The following LANCL1 variants were observed in gnomAD, a reference collection of about 807,000 sequenced individuals.
LANCL1 encodes glutathione S-transferase LANCL1.
LANCL1 carries 50 observed loss-of-function variants against 50.6 expected under a neutral mutation model. The observed-to-expected ratio is 0.99, with a 90% confidence interval of 0.79 to 1.25. The LOEUF is 1.25. LANCL1 is among the 50% of genes most tolerant of loss of function. LANCL1 has a pLI of 0.00. For missense variants in LANCL1, 532 were observed against 480.7 expected, an observed-to-expected ratio of 1.11 and a Z score of -1.00; for synonymous variants, 188 against 178.6, an observed-to-expected ratio of 1.05 and a Z score of -0.42.
At position 210,436,334 on chromosome 2, in the gene LANCL1, T is replaced by A. The variant is rs1218519248; in HGVS notation, c.932A>T (p.Gln311Leu). 6.2e-7 allele frequency: 1 copy of A among 1,614,086 alleles called. No individual in the cohort carries two copies. Among genetic ancestry groups the A allele is most frequent in the South Asian group, 1.1e-5 (1 of 91,084 alleles). ...ATATCCCTTCTTCAGCAACCCATATTGCCAGATCACATCAGCACACTGATA... is the reference window on the plus strand; with the variant it reads ...ATATCCCTTCTTCAGCAACCCATATAGCCAGATCACATCAGCACACTGATA... ...DAYQCADVIW[Q>L]YGLLKKGYGL... Residue 311 changes from glutamine to leucine, a missense_variant, in exon 8 of 10, where the codon CAA (glutamine) becomes CTA (leucine). Physicochemically the swap from Gln to Leu is moderately radical, Grantham distance 113. Transcript: ENST00000450366.
intron 4 of LANCL1, among the ~76,000 whole-genome samples, chr2:210,450,446 T>C (rs1056978937): frequency 2.0e-5 from 3 of 152,134 alleles, no homozygotes; most frequent in Non-Finnish European, 2.9e-5. Flanking sequence ...AAAGACTTCA[T>C]GACTAAAACA....
chr2:210,455,810 G>GTGTT (rs1553713341), intron 3 of LANCL1, among the ~76,000 whole-genome samples: 4 of 125,976 alleles, frequency 3.2e-5, no homozygotes, highest in African/African-American at 1.1e-4. Context: ...GTGTGTGTGT[G>GTGTT]TTTTTTTTTT....
chr2:210,437,371 G>A (rs1692968706), intron 7 of LANCL1, among the ~76,000 whole-genome samples: 1 of 151,966 alleles, frequency 6.6e-6, no homozygotes, highest in Non-Finnish European at 1.5e-5. Context: ...TTTCACCTGT[G>A]GCAATTATAA....
At chr2:210,466,415 G>A (rs1694060087) in intron 3 of LANCL1, among the ~76,000 whole-genome samples, 1 of 152,110 alleles carries the variant, frequency 6.6e-6, no homozygotes, top group Non-Finnish European at 1.5e-5. Flanking sequence ...ATTAGCCCCG[G>A]CCCCGTGAAT....
At chr2:210,437,911 A>G (rs1351904892) in intron 6 of LANCL1, 39 bp from the exon 7 acceptor site, 4 of 1,449,916 alleles carry the variant, frequency 2.8e-6, no homozygotes, top group Non-Finnish European at 3.7e-6. Flanking sequence ...TGCTGAAGCA[A>G]ATAAACCTTC....
chr2:210,452,786 C>T (rs1693548993), intron 4 of LANCL1, among the ~76,000 whole-genome samples: 1 of 152,006 alleles, frequency 6.6e-6, no homozygotes, highest in Non-Finnish European at 1.5e-5. Context: ...TTTGAAAGAA[C>T]ATTACATTAA....
chr2:210,446,369 C>G (rs1317104898), intron 4 of LANCL1, among the ~76,000 whole-genome samples: 1 of 152,050 alleles, frequency 6.6e-6, no homozygotes, highest in Non-Finnish European at 1.5e-5. Context: ...CGTCAAAGAC[C>G]AAAGGTAGAT....
chr2:210,434,481 A>G lies in LANCL1; in HGVS notation c.*6T>C. On this transcript the variant is annotated 3_prime_UTR_variant, in exon 10 of 10. Transcript: ENST00000450366. ...TGCAGTGAGTTGCAGGTGGCATGCTATCCTTTCAGAGTTCAAATGCAGGGA... is the reference window on the plus strand; with the variant it reads ...TGCAGTGAGTTGCAGGTGGCATGCTGTCCTTTCAGAGTTCAAATGCAGGGA... The G allele has an allele frequency of 3.1e-6, 5 of 1,611,320 alleles. No homozygotes were observed. The highest frequency in any genetic ancestry group is 1.7e-5 in the Admixed American group (1 of 59,858).
chr2:210,444,574 T>A (rs55725016), intron 4 of LANCL1, among the ~76,000 whole-genome samples: 8,170 of 152,272 alleles, frequency 0.054, 322 homozygotes, highest in Non-Finnish European at 0.081. Flanking sequence ...TTTCATATTA[T>A]TTCCTCATCA....
chr2:210,442,317 A>G (rs1194061295), intron 4 of LANCL1, among the ~76,000 whole-genome samples: 1 of 152,128 alleles, frequency 6.6e-6, no homozygotes, highest in Non-Finnish European at 1.5e-5. Flanking sequence ...TTTTGTGTGT[A>G]TTCCTAGATT....
chr2:210,456,791 A>C (rs1214535278), intron 3 of LANCL1, among the ~76,000 whole-genome samples: 1 of 152,184 alleles, frequency 6.6e-6, no homozygotes, highest in Non-Finnish European at 1.5e-5. Flanking sequence ...GACATGATGG[A>C]GATCTGAGAA....
intron 4 of LANCL1, among the ~76,000 whole-genome samples, chr2:210,441,697 T>C (rs531030477): frequency 4.3e-4 from 65 of 152,258 alleles, no homozygotes; most frequent in African/African-American, 1.5e-3. Flanking sequence ...GAAATCTCCC[T>C]AGTTCCTCAT....
At chr2:210,444,817 G>T (rs934981528) in intron 4 of LANCL1, among the ~76,000 whole-genome samples, 2 of 151,896 alleles carry the variant, frequency 1.3e-5, no homozygotes, top group African/African-American at 2.4e-5. Flanking sequence ...AGAATTATGG[G>T]CCATTTTGTT....
intron 3 of LANCL1, among the ~76,000 whole-genome samples, chr2:210,457,091 G>A (rs2105910979): frequency 2.0e-5 from 3 of 152,210 alleles, no homozygotes; most frequent in East Asian, 3.9e-4. Flanking sequence ...TTGGGCCTCT[G>A]GGTCTGTGGA....
intron 3 of LANCL1, chr2:210,460,436 G>A (rs180964530): frequency 1.5e-4 from 23 of 152,244 alleles, no homozygotes; most frequent in Admixed American, 1.5e-3. Context: ...TACTTGAAAC[G>A]TTAATGGCTC....
At chr2:210,463,222 T>A (rs12694198) in intron 3 of LANCL1, among the ~76,000 whole-genome samples, 22,568 of 151,938 alleles carry the variant, frequency 0.15, 1,960 homozygotes, top group African/African-American at 0.22. Context: ...TTATTTATTT[T>A]TTTTTTTGGA....
In LANCL1 at chr2:210,437,847, T is replaced by C. The variant is rs1406587727; in HGVS notation, c.716A>G (p.Lys239Arg). 1 of 1,600,404 alleles carries C rather than the reference T, an allele frequency of 6.2e-7. No homozygotes were observed. The highest frequency in any genetic ancestry group is 8.5e-7 in the Non-Finnish European group (1 of 1,175,260). Reference sequence around the variant, plus strand: ...ACTGGGCTTGACCAAACTATGTAACTTCCCTTGGCTCACTTGAAGGCTGGG... The same window carrying C: ...ACTGGGCTTGACCAAACTATGTAACCTCCCTTGGCTCACTTGAAGGCTGGG... ...MQPSLQVSQG[K>R]LHSLVKPSVD... Residue 239 changes from lysine (K) to arginine (R), a missense_variant, in exon 7 of 10, where the codon AAG becomes AGG. Physicochemically the swap from Lys to Arg is conservative, Grantham distance 26 (BLOSUM62 2). Transcript: ENST00000450366.
intron 4 of LANCL1, among the ~76,000 whole-genome samples, chr2:210,452,537 T>TAC (rs139724085): frequency 3.3e-5 from 5 of 151,940 alleles, no homozygotes; most frequent in African/African-American, 7.3e-5. Flanking sequence ...AACATGAACA[T>TAC]ACACACACAC....
chr2:210,445,376 A>T (rs1693287946), intron 4 of LANCL1, among the ~76,000 whole-genome samples: 1 of 152,210 alleles, frequency 6.6e-6, no homozygotes, highest in Non-Finnish European at 1.5e-5. Context: ...CATTTGCAAC[A>T]TTCAAAGTAG....
Sources: allele counts gnomAD v4.1 joint callset (sites outside exome capture counted in the v4.1 genomes callset), GRCh38; gene constraint gnomAD v4.1.1; transcripts MANE v1.5; gene names NCBI Gene and HGNC (gene_info 2026-07-23, HGNC 2026-07-21).